The following ART5 variants were observed in gnomAD, a reference collection of about 807,000 sequenced individuals.
ART5 encodes the protein ADP-ribosyltransferase 5.
Under a neutral mutation model 25.0 loss-of-function variants are expected in ART5, and 22 were observed. The ratio of observed to expected loss-of-function variants is 0.88; its 90% confidence interval spans 0.63 to 1.26. ART5 has a LOEUF of 1.26. Among genes scored for constraint, ART5 ranks in the 50% most tolerant of loss-of-function variants. ART5 has a pLI of 0.00. For synonymous variants in ART5, 161 were observed against 154.8 expected (o/e 1.04, Z -0.30); for missense variants, 402 against 372.8 (o/e 1.08, Z -0.64).
upstream of ART5, chr11:3,642,085 G>T: frequency 1.4e-6 from 2 of 1,407,882 alleles, no homozygotes; most frequent in Non-Finnish European, 1.8e-6. Context: ...CCCTTCCTCA[G>T]AGCCTCCAGT....
At position 3,639,834 on chromosome 11, in the gene ART5, G is replaced by T. The variant is rs751728239; in HGVS notation, c.595C>A (p.Leu199Ile). The T allele has an allele frequency of 3.6e-5, 58 of 1,614,098 alleles. No individual in the cohort carries two copies. The highest frequency in any genetic ancestry group is 4.7e-5 in the Non-Finnish European group (55 of 1,180,044). Residue 199 changes from leucine to isoleucine, a missense_variant, in exon 2 of 4, where the codon CTC (leucine) becomes ATC (isoleucine). Physicochemically the swap from Leu to Ile is conservative, Grantham distance 5 (BLOSUM62 2). Coordinates refer to ENST00000397068, the MANE Select transcript of ART5 (RefSeq NM_053017.5). ...CCAAAGCAAGTTGTTAGAGAGAAGAGGGTGGCATTACCAAATCTGTGGGCC... is the reference window on the plus strand; with the variant it reads ...CCAAAGCAAGTTGTTAGAGAGAAGATGGTGGCATTACCAAATCTGTGGGCC... ...AVAHRFGNAT[L>I]FSLTTCFGAP...
intron 3 of ART5, 83 bp from the exon 4 acceptor site, chr11:3,638,876 G>T (rs771483408): frequency 1.9e-6 from 3 of 1,612,872 alleles, no homozygotes; most frequent in Non-Finnish European, 2.5e-6. Flanking sequence ...TCTTCCAGGG[G>T]GGCAGAGAGG....
rs138160202 is a variant in ART5 at position 3,640,082 on chromosome 11, G to T, written c.347C>A (p.Thr116Lys). 27 of 1,614,070 alleles carry T rather than the reference G, an allele frequency of 1.7e-5. No homozygotes were observed. The African/African-American group carries it at 3.3e-4, about 20-fold the overall frequency. ...LYWELNQAVR[T>K]GGGSRELYMR... Reference sequence around the variant, plus strand: ...GTAGAGCTCCCGGGAGCCTCCGCCCGTCCGCACGGCCTGATTCAACTCCCA... The same window carrying T: ...GTAGAGCTCCCGGGAGCCTCCGCCCTTCCGCACGGCCTGATTCAACTCCCA... Residue 116 changes from threonine (T) to lysine (K), a missense_variant, in exon 2 of 4, where the codon ACG becomes AAG. By Grantham distance (78) the Thr-to-Lys change is moderately conservative. Coordinates refer to ENST00000397068, the MANE Select transcript of ART5 (RefSeq NM_053017.5).
At chr11:3,641,272 C>T (rs1456809198) in intron 1 of ART5, among the ~76,000 whole-genome samples, 2 of 152,216 alleles carry the variant, frequency 1.3e-5, no homozygotes, top group Admixed American at 1.3e-4. Context: ...ATCTGGCAGG[C>T]AGGTGATGTG....
upstream of ART5, chr11:3,642,149 G>T: frequency 7.7e-7 from 1 of 1,290,452 alleles, no homozygotes. Context: ...CTCCGCCTGA[G>T]AGGGGAGGGC....
upstream of ART5, chr11:3,642,265 T>C: frequency 3.8e-6 from 4 of 1,053,464 alleles, no homozygotes; most frequent in Non-Finnish European, 4.6e-6. Flanking sequence ...GGAGTCCGGC[T>C]GAAAGCAAAG....
chr11:3,642,332 C>A, upstream of ART5: 1 of 990,004 alleles, frequency 1.0e-6, no homozygotes, highest in Non-Finnish European at 1.2e-6. Context: ...TTTCCCAGCG[C>A]CGCACGCGGG....
At chr11:3,638,831 T>G in intron 3 of ART5, 38 bp from the exon 4 acceptor site, 2 of 1,614,110 alleles carry the variant, frequency 1.2e-6, no homozygotes, top group Non-Finnish European at 1.7e-6. Context: ...GCCCAACCCC[T>G]GAGAGCTGGA....
In ART5 at chr11:3,639,961, C is replaced by G. The variant is rs142518955; in HGVS notation, c.468G>C (p.Glu156Asp). The G allele has an allele frequency of 2.1e-4, 341 of 1,614,206 alleles. No homozygotes were observed. The African/African-American group carries it at 4.0e-3, about 19-fold the overall frequency. Reference sequence around the variant, plus strand: ...GGCTGCCCACACCTCGGAACACCACCTCCCCAGGTCCCCTGCTGCAGCCCC... The same window carrying G: ...GGCTGCCCACACCTCGGAACACCACGTCCCCAGGTCCCCTGCTGCAGCCCC... ...GSGGCSRGPG[E>D]VVFRGVGSLR... The change falls in exon 2 of 4, where the codon GAG becomes GAC. Residue 156 changes from glutamate (E) to aspartate (D), a missense_variant. Transcript: ENST00000397068.
upstream of ART5, chr11:3,642,286 C>A: frequency 9.7e-7 from 1 of 1,028,672 alleles, no homozygotes; most frequent in Non-Finnish European, 1.2e-6. Context: ...GTTCTCGAGG[C>A]TAACTGTAGC....
intron 3 of ART5, 58 bp from the exon 4 acceptor site, chr11:3,638,851 G>T: frequency 6.2e-7 from 1 of 1,614,054 alleles, no homozygotes; most frequent in African/African-American, 1.3e-5. Context: ...AACTCTCCAG[G>T]GGCCAAGAGC....
At position 3,638,993 on chromosome 11, in the gene ART5, G is replaced by C. The variant is rs1246818492; in HGVS notation, c.820+10C>G. 6.4e-7 allele frequency: 1 copy of C among 1,556,836 alleles called. No individual in the cohort carries two copies. Among genetic ancestry groups the C allele is most frequent in the East Asian group, 2.4e-5 (1 of 41,198 alleles). On this transcript the variant is annotated intron_variant, in intron 3 of 3. Coordinates refer to ENST00000397068, the MANE Select transcript of ART5 (RefSeq NM_053017.5). ...CAAAGCAGCTGAAGGAGGATGGAAG[G>C]GCAACTCACCTGGCGCAGACACACA... is the stretch of plus-strand genomic sequence containing the variant.
chr11:3,640,533 C>T (rs2077380440), intron 1 of ART5, among the ~76,000 whole-genome samples, 162 bp from the exon 2 acceptor site: 1 of 151,528 alleles, frequency 6.6e-6, no homozygotes, highest in Non-Finnish European at 1.5e-5. Flanking sequence ...TTAAATAACA[C>T]AGGCACTGGA....
chr11:3,641,885 A>G lies in ART5; in HGVS notation c.-23T>C, dbSNP rs2077404911. On this transcript the variant is annotated 5_prime_UTR_variant, in exon 1 of 4. Transcript: ENST00000397068. ...CATCCCTGGAGGAGACGTGAGGGCC[A>G]GGGGTCCGGGTGAGGGCGGGACCAG... 6 of 1,559,152 alleles carry G rather than the reference A, an allele frequency of 3.8e-6. No individual in the cohort carries two copies. Among genetic ancestry groups the G allele is most frequent in the African/African-American group, 1.3e-5 (1 of 74,154 alleles).
In ART5 at chr11:3,640,339, C is replaced by G; in HGVS notation, c.90G>C (p.Leu30=). Residue 30 remains leucine (L), a synonymous_variant, in exon 2 of 4, where the codon CTG becomes CTC. Coordinates refer to ENST00000397068, the MANE Select transcript of ART5 (RefSeq NM_053017.5). The stretch of plus-strand genomic sequence containing the variant: ...AGGTATCGTCAAAGGTGTCTGGAGC[C>G]AGGCCCAGGGGCAGGATGGGAACAG... ...AQAVPILPLG[L]APDTFDDTYV... The G allele has an allele frequency of 6.6e-7, 1 of 1,508,888 alleles. No homozygotes were observed. Among genetic ancestry groups the G allele is most frequent in the Non-Finnish European group, 8.8e-7 (1 of 1,134,566 alleles). The allele number at this position is 1,508,888 out of a possible 1,614,324, so 93.5% of individuals were successfully genotyped here.
chr11:3,642,231 GCT>G, upstream of ART5: 2 of 1,144,484 alleles, frequency 1.7e-6, no homozygotes, highest in Admixed American at 4.2e-5. Context: ...TCTGGCGGGC[GCT>G]GCGCTGTCCC....
Position 3,639,761 on chromosome 11 carries a change from A to G in ART5, c.668T>C (p.Leu223Pro). 1 of 1,614,198 alleles carries G rather than the reference A, an allele frequency of 6.2e-7. No individual in the cohort carries two copies. Among genetic ancestry groups the G allele is most frequent in the Non-Finnish European group, 8.5e-7 (1 of 1,180,030 alleles). Residue 223 changes from leucine (L) to proline (P), a missense_variant, in exon 2 of 4, where the codon CTG (leucine) becomes CCG (proline). Physicochemically the swap from Leu to Pro is moderately conservative, Grantham distance 98. Transcript: ENST00000397068. ...CAAAAAGACTTCATGGGGGGGAATC[A>G]GCACCTCGCGCTCCTTGGGAAAGAC... ...FSVFPKEREV[L>P]IPPHEVFLVT...
At chr11:3,640,462 A>C in intron 1 of ART5, 91 bp from the exon 2 acceptor site, 1 of 1,429,412 alleles carries the variant, frequency 7.0e-7, no homozygotes, top group Admixed American at 2.6e-5. Flanking sequence ...AGAAACACAG[A>C]ATCTCATTTC....
chr11:3,641,752 A>G (rs1344905355), intron 1 of ART5, 54 bp downstream of exon 1: 4 of 1,552,510 alleles, frequency 2.6e-6, no homozygotes, highest in African/African-American at 2.7e-5. Flanking sequence ...CCACTTCCTC[A>G]GGGTCTGTCC....
Sources: gnomAD v4.1 joint callset for allele counts (sites outside exome capture counted in the v4.1 genomes callset) on GRCh38, gnomAD v4.1.1 for gene constraint, MANE v1.5 for transcripts, NCBI Gene and HGNC (gene_info 2026-07-23, HGNC 2026-07-21) for gene names.